FAM20B: variants seen among roughly 807,000 people sequenced by gnomAD.
FAM20B encodes the protein FAM20B glycosaminoglycan xylosylkinase.
FAM20B carries 23 observed loss-of-function variants against 43.8 expected under a neutral mutation model. The observed-to-expected ratio is 0.53, with a 90% CI of 0.38 to 0.74. FAM20B has a LOEUF of 0.74. Among genes scored for constraint, FAM20B ranks in the 30% least tolerant of loss-of-function variants. The pLI is 0.00. For missense variants in FAM20B, 440 were observed against 510.5 expected, an observed-to-expected ratio of 0.86 and a Z score of 1.33; for synonymous variants, 178 against 192.4, an observed-to-expected ratio of 0.93 and a Z score of 0.62.
intron 7 of FAM20B, 137 bp from the exon 8 acceptor site, chr1:179,071,776 G>A: frequency 1.5e-6 from 1 of 651,568 alleles, no homozygotes; most frequent in Non-Finnish European, 2.8e-6. Flanking sequence ...ATTATGTAGG[G>A]GTAATTCTAA....
chr1:179,033,717 A>G (rs1270670616), intron 1 of FAM20B, among the ~76,000 whole-genome samples: 1 of 151,882 alleles, frequency 6.6e-6, no homozygotes, highest in East Asian at 1.9e-4. Flanking sequence ...TTCTTTTGAG[A>G]CAGTCTTGCT....
At chr1:179,052,373 T>TA (rs1169417755) in intron 3 of FAM20B, among the ~76,000 whole-genome samples, 1 of 151,942 alleles carries the variant, frequency 6.6e-6, no homozygotes, top group South Asian at 2.1e-4. Context: ...TGGCAAAGCT[T>TA]AAAAAAAAGA....
At chr1:179,040,894 C>T (rs1165724119) in intron 1 of FAM20B, among the ~76,000 whole-genome samples, 2 of 151,226 alleles carry the variant, frequency 1.3e-5, no homozygotes, top group Non-Finnish European at 3.0e-5. Flanking sequence ...CCTCACTTCT[C>T]AGACGGGGCG....
rs754351615 is a variant in FAM20B, at chr1:179,075,063, G to C, written c.*2919G>C. The C allele has an allele frequency of 2.0e-5, 3 of 152,034 alleles. No individual in the cohort carries two copies. Among genetic ancestry groups the C allele is most frequent in the Non-Finnish European group, 2.9e-5 (2 of 68,006 alleles). The allele number at this position is 152,034 out of a possible 1,614,324, so 9.4% of individuals were successfully genotyped here. A position where few individuals can be genotyped will look rare whatever the true frequency, so the allele number is the denominator to read the frequency against. ...AAAAATTAACAGGGCACGGTGGCATGCGCCTGTAGTCCCAGCTACTCGGGA... is the reference window on the plus strand; with the variant it reads ...AAAAATTAACAGGGCACGGTGGCATCCGCCTGTAGTCCCAGCTACTCGGGA... On this transcript the variant is annotated 3_prime_UTR_variant, in exon 8 of 8. Transcript: ENST00000263733.
At position 179,072,367 on chromosome 1, in the gene FAM20B, C is replaced by T. The variant is rs950938064; in HGVS notation, c.*223C>T. 59 of 544,142 alleles carry T rather than the reference C, an allele frequency of 1.1e-4. No individual in the cohort carries two copies. In the East Asian group the frequency reaches 1.6e-3, roughly 15 times the overall value. The allele number at this position is 544,142 out of a possible 1,614,324, so 33.7% of individuals were successfully genotyped here. A position where few individuals can be genotyped will look rare whatever the true frequency, so the allele number is the denominator to read the frequency against. Reference sequence around the variant, plus strand: ...CTGCTGAATCGCCTTCTCACCTCCTCGGCAATTGCTCATTCTAGGGTTGGG... The same window carrying T: ...CTGCTGAATCGCCTTCTCACCTCCTTGGCAATTGCTCATTCTAGGGTTGGG... On this transcript the variant is annotated 3_prime_UTR_variant, in exon 8 of 8. Transcript: ENST00000263733.
rs760803150 is a variant in FAM20B, at chr1:179,072,007, C to G, written c.1093C>G (p.Pro365Ala). 2 of 1,614,140 alleles carry G rather than the reference C, an allele frequency of 1.2e-6. No individual in the cohort carries two copies. The highest frequency in any genetic ancestry group is 1.7e-6 in the Non-Finnish European group (2 of 1,180,010). Residue 365 changes from proline to alanine, a missense_variant, in exon 8 of 8, where the codon CCA becomes GCA. Coordinates refer to ENST00000263733, the MANE Select transcript of FAM20B (RefSeq NM_014864.4). ...KSAMAHDPISPVLSDPHLDAV... is the reference protein window; with the variant it reads ...KSAMAHDPISAVLSDPHLDAV... ...TGCCATGGCCCATGACCCCATCTCC[C>G]CAGTGCTCTCTGATCCTCATCTGGA... is the stretch of plus-strand genomic sequence containing the variant.
At chr1:179,052,580 C>T (rs1465214194) in intron 3 of FAM20B, among the ~76,000 whole-genome samples, 2 of 152,096 alleles carry the variant, frequency 1.3e-5, no homozygotes, top group African/African-American at 2.4e-5. Flanking sequence ...CTAGGAACTA[C>T]CCTAGAGAAA....
intron 1 of FAM20B, among the ~76,000 whole-genome samples, chr1:179,027,769 C>T (rs778014222): frequency 6.6e-6 from 1 of 152,220 alleles, no homozygotes; most frequent in Non-Finnish European, 1.5e-5. Context: ...ATTCGTTTCT[C>T]TAGAACTGGT....
chr1:179,060,052 A>G (rs1363545639), intron 4 of FAM20B, among the ~76,000 whole-genome samples: 1 of 151,652 alleles, frequency 6.6e-6, no homozygotes, highest in African/African-American at 2.4e-5. Context: ...CCAAGTGGCA[A>G]CCTTTAACTA....
At chr1:179,054,047 A>G (rs1234205955) in intron 3 of FAM20B, among the ~76,000 whole-genome samples, 1 of 149,808 alleles carries the variant, frequency 6.7e-6, no homozygotes, top group Admixed American at 6.6e-5. Flanking sequence ...ATTATTAGAG[A>G]TATCTTCAAA....
At chr1:179,061,190 C>T (rs72709424) in intron 4 of FAM20B, among the ~76,000 whole-genome samples, 21,397 of 148,862 alleles carry the variant, frequency 0.14, 1,758 homozygotes, top group East Asian at 0.31. Flanking sequence ...GTGATCCTCT[C>T]GCCTCAGCCT....
chr1:179,058,683 C>T (rs938492694), intron 4 of FAM20B, among the ~76,000 whole-genome samples: 2 of 152,070 alleles, frequency 1.3e-5, no homozygotes, highest in African/African-American at 4.8e-5. Flanking sequence ...ATTTCAAGAG[C>T]GAATTGTGGC....
In FAM20B at chr1:179,072,525, G is replaced by T; in HGVS notation, c.*381G>T. Reference sequence around the variant, plus strand: ...TTGCAGTCCTTTCTCTACGCCCGTGGATTTTGTGGAAACACTTTGCAATCT... The same window carrying T: ...TTGCAGTCCTTTCTCTACGCCCGTGTATTTTGTGGAAACACTTTGCAATCT... On this transcript the variant is annotated 3_prime_UTR_variant, in exon 8 of 8. Coordinates refer to ENST00000263733, the MANE Select transcript of FAM20B (RefSeq NM_014864.4). The T allele has an allele frequency of 5.5e-6, 1 of 180,202 alleles. No individual in the cohort carries two copies. The allele number at this position is 180,202 out of a possible 1,614,324, so 11.2% of individuals were successfully genotyped here.
upstream of FAM20B, chr1:179,025,762 C>A (rs1217800344): frequency 1.3e-5 from 2 of 151,060 alleles, no homozygotes; most frequent in East Asian, 4.0e-4. Flanking sequence ...GGGGGGCAGT[C>A]CGGAGCGGGT....
At chr1:179,036,495 A>G (rs1347319228) in intron 1 of FAM20B, among the ~76,000 whole-genome samples, 1 of 152,222 alleles carries the variant, frequency 6.6e-6, no homozygotes, top group Non-Finnish European at 1.5e-5. Context: ...GAGCAGGCAC[A>G]TTCTTCTGAG....
intron 3 of FAM20B, among the ~76,000 whole-genome samples, chr1:179,050,848 G>C (rs111413652): frequency 6.6e-6 from 1 of 152,192 alleles, no homozygotes; most frequent in East Asian, 1.9e-4. Flanking sequence ...AGGGCCAGGC[G>C]TAGTGGCTCA....
At chr1:179,049,116 T>C (rs1650895481) in intron 2 of FAM20B, among the ~76,000 whole-genome samples, 1 of 152,200 alleles carries the variant, frequency 6.6e-6, no homozygotes, top group African/African-American at 2.4e-5. Flanking sequence ...ATTAACAGAT[T>C]TAAATTCTAT....
rs1649752096 is a variant in FAM20B at position 179,026,033 on chromosome 1, G to GGCGGC, written c.-198_-197insCGGCG. ...GGCTGCCCCTCCCCGGAGGCGGCGG[G>GGCGGC]GGCGGCCGGGGCCGCGCCGCACCGC... On this transcript the variant is annotated 5_prime_UTR_variant, in exon 1 of 8. Coordinates refer to ENST00000263733, the MANE Select transcript of FAM20B (RefSeq NM_014864.4). 6.9e-6 allele frequency: 1 copy of GGCGGC among 145,628 alleles called. No homozygotes were observed. Among genetic ancestry groups the GGCGGC allele is most frequent in the African/African-American group, 2.5e-5 (1 of 40,472 alleles). 9.0% of individuals were successfully genotyped at this position (145,628 alleles called of 1,614,324 possible).
intron 4 of FAM20B, among the ~76,000 whole-genome samples, chr1:179,059,954 A>G (rs1651389273): frequency 6.6e-6 from 1 of 151,496 alleles, no homozygotes; most frequent in Admixed American, 6.6e-5. Flanking sequence ...CCTGGGAGAC[A>G]GAGCAAGATT....
Sources: gnomAD v4.1 joint callset for allele counts (sites outside exome capture counted in the v4.1 genomes callset) on GRCh38, gnomAD v4.1.1 for gene constraint, MANE v1.5 for transcripts, NCBI Gene and HGNC (gene_info 2026-07-23, HGNC 2026-07-21) for gene names.